Variants in PLAGL1 observed in about 807,000 individuals in gnomAD.
PLAGL1 encodes the protein PLAG1 like zinc finger 1.
PLAGL1 carries 1 observed loss-of-function variant against 4.6 expected under a neutral mutation model. That is an observed-to-expected ratio of 0.22 (90% CI 0.08 to 1.03). The LOEUF (loss-of-function observed/expected upper bound fraction) is 1.03, where lower values mean the gene tolerates loss of function less well. Among genes scored for constraint, PLAGL1 ranks in the 50% least tolerant of loss-of-function variants. The probability of loss-of-function intolerance (pLI) is 0.58; values close to 1 mark genes in which losing one functional copy is unlikely to be tolerated. For synonymous variants in PLAGL1, 240 were observed against 237.8 expected, an observed-to-expected ratio of 1.01 and a Z score of -0.08; for missense variants, 464 against 570.4, an observed-to-expected ratio of 0.81 and a Z score of 1.90.
chr6:143,947,974 A>G lies in PLAGL1; in HGVS notation c.152+11T>C. 2 of 1,611,372 alleles carry G rather than the reference A, an allele frequency of 1.2e-6. No individual in the cohort carries two copies. The highest frequency in any genetic ancestry group is 1.7e-6 in the Non-Finnish European group (2 of 1,177,710). On this transcript the variant is annotated intron_variant, in intron 7 of 7. Transcript: ENST00000674357. This position sits in a 1 kb window ranked among gnomAD's most constrained non-coding sequence, Gnocchi z 4.3. ...CTTCTAAAAGTGCATACCTTTGCCA[A>G]AGCCTCTCACCTCATCAATTTATAT...
rs747970925 is a variant in PLAGL1, at chr6:144,027,226, A to AGAACGAAC, written c.-151+37234_-151+37241dup. On this transcript the variant is annotated intron_variant, in intron 1 of 3. Transcript: ENST00000437412. This position sits in a 1 kb window ranked among gnomAD's most constrained non-coding sequence, Gnocchi z 5.8. ...GTGACAGAGAAAGACCCCAACTCAA[A>AGAACGAAC]GAACGAACGAAAGAAAGAAAGAAAG... Among the ~76,000 whole-genome samples, 84 of 129,922 alleles carry AGAACGAAC rather than the reference A, an allele frequency of 6.5e-4. 1 individual carries two copies. In the East Asian group the frequency reaches 0.016, roughly 24 times the overall value. The allele number at this position is 129,922 out of a possible 152,430, so 85.2% of individuals were successfully genotyped here.
rs1795372587 is a variant in PLAGL1, at chr6:144,013,762, G to A, written c.-150-44784C>T. 6.6e-6 allele frequency among the ~76,000 whole-genome samples: 1 copy of A among 152,196 alleles called. No homozygotes were observed. Among genetic ancestry groups the A allele is most frequent in the Non-Finnish European group, 1.5e-5 (1 of 68,038 alleles). On this transcript the variant is annotated intron_variant, in intron 1 of 3. Transcript: ENST00000437412. This position sits in a 1 kb window ranked among gnomAD's most constrained non-coding sequence, Gnocchi z 4.4. The stretch of plus-strand genomic sequence containing the variant: ...CTGTGCGTGCCATGTGCTTTCTCCT[G>A]TGTGTATCTCTCTTATAGGGGTAGA...
In PLAGL1 at chr6:144,059,229, C is replaced by A. The variant is rs1212648752; in HGVS notation, c.-151+5239G>T. 6.6e-6 allele frequency among the ~76,000 whole-genome samples: 1 copy of A among 152,260 alleles called. No homozygotes were observed. The highest frequency in any genetic ancestry group is 1.5e-5 in the Non-Finnish European group (1 of 68,048). On this transcript the variant is annotated intron_variant, in intron 1 of 3. Coordinates refer to the PLAGL1 transcript ENST00000437412. The surrounding 1 kb of genome is among the most constrained non-coding windows in gnomAD (Gnocchi z 4.9). ...GCACTCCCCAAAGCCACAGCCGGAG[C>A]TCTACCTGGGGCCCTTTGAACCAAG...
At position 143,967,328 on chromosome 6, in the gene PLAGL1, T is replaced by G. The variant is rs1171110738; in HGVS notation, c.-471-1130A>C. The G allele has an allele frequency of 2.0e-5, 3 of 152,258 alleles. No homozygotes were observed. In the East Asian group the frequency reaches 5.8e-4, roughly 29 times the overall value. The allele number at this position is 152,258 out of a possible 1,614,324, so 9.4% of individuals were successfully genotyped here. On this transcript the variant is annotated intron_variant, in intron 3 of 7. Coordinates refer to ENST00000674357, the MANE Select transcript of PLAGL1 (RefSeq NM_001317162.2). ...GTTAGGGCCAATTTTACACGATGGG[T>G]AAGCTCACAATTAGGAAACATGAAT...
At position 144,041,226 on chromosome 6, in the gene PLAGL1, A is replaced by C. The variant is rs1490345981; in HGVS notation, c.-151+23242T>G. Among the ~76,000 whole-genome samples the C allele has an allele frequency of 2.0e-5, 3 of 152,118 alleles. No individual in the cohort carries two copies. The East Asian group carries it at 5.8e-4, about 29-fold the overall frequency. On this transcript the variant is annotated intron_variant, in intron 1 of 3. Coordinates refer to the PLAGL1 transcript ENST00000437412. ...ACTTTAAGTTCTAGGGTACATATGC[A>C]CAACATGCAGGTTTGTTACATATGT...
rs1293417314 is a variant in PLAGL1, at chr6:144,039,987, T to C, written c.-151+24481A>G. ...AGATAATTTATATCATATAATTCCA[T>C]GTACAACATTCAACAACAAGCAAAA... On this transcript the variant is annotated intron_variant, in intron 1 of 3. Transcript: ENST00000437412. This position sits in a 1 kb window ranked among gnomAD's most constrained non-coding sequence, Gnocchi z 4.1. Among the ~76,000 whole-genome samples, 2 of 152,166 alleles carry C rather than the reference T, an allele frequency of 1.3e-5. No homozygotes were observed. Among genetic ancestry groups the C allele is most frequent in the African/African-American group, 4.8e-5 (2 of 41,428 alleles).
rs1783064698 is a variant in PLAGL1, at chr6:143,960,121, T to C, written c.-325+348A>G. Among the ~76,000 whole-genome samples the C allele has an allele frequency of 6.6e-6, 1 of 152,006 alleles. No homozygotes were observed. The highest frequency in any genetic ancestry group is 1.5e-5 in the Non-Finnish European group (1 of 67,988). On this transcript the variant is annotated intron_variant, in intron 6 of 7. Coordinates refer to ENST00000674357, the MANE Select transcript of PLAGL1 (RefSeq NM_001317162.2). The surrounding 1 kb of genome is among the most constrained non-coding windows in gnomAD (Gnocchi z 5.7). ...ACATCTTATGTACACAAGTTAGGAG[T>C]GTTGGCAGGGGCAGCTTTCTTCTTT...
rs574222060 is a variant in PLAGL1 at position 143,971,069 on chromosome 6, A to T, written c.-543-2091T>A. Among the ~76,000 whole-genome samples, 23 of 152,126 alleles carry T rather than the reference A, an allele frequency of 1.5e-4. No individual in the cohort carries two copies. Among genetic ancestry groups the T allele is most frequent in the Admixed American group, 1.5e-3 (23 of 15,294 alleles). The stretch of plus-strand genomic sequence containing the variant: ...ACTGGGAGGGTTGAGCAGCCAAGTT[A>T]TGAAATCTAAGTGCTATGCTTAATG... On this transcript the variant is annotated intron_variant, in intron 2 of 7. Coordinates refer to ENST00000674357, the MANE Select transcript of PLAGL1 (RefSeq NM_001317162.2). The surrounding 1 kb of genome is among the most constrained non-coding windows in gnomAD (Gnocchi z 4.7).
At chr6:144,021,209 T>C (rs535502450) in intron 1 of PLAGL1, among the ~76,000 whole-genome samples, 2 of 152,244 alleles carry the variant, frequency 1.3e-5, no homozygotes, top group East Asian at 3.9e-4. Flanking sequence ...CATAACATAT[T>C]ATACTTGCTG....
At chr6:144,060,314 G>T (rs1053586049) in intron 1 of PLAGL1, among the ~76,000 whole-genome samples, 1 of 152,200 alleles carries the variant, frequency 6.6e-6, no homozygotes, top group Non-Finnish European at 1.5e-5. Context: ...CTCCCAAAGT[G>T]CTGGGATTAC....
At chr6:144,032,905 C>A (rs1419024072) in intron 1 of PLAGL1, among the ~76,000 whole-genome samples, 2 of 152,076 alleles carry the variant, frequency 1.3e-5, no homozygotes, top group South Asian at 2.1e-4. Context: ...ACTAAGTAAA[C>A]CCTGAGAGGT....
chr6:144,054,387 G>T (rs1798792971), intron 1 of PLAGL1, among the ~76,000 whole-genome samples: 1 of 152,132 alleles, frequency 6.6e-6, no homozygotes, highest in South Asian at 2.1e-4. Flanking sequence ...AGAAAATGTG[G>T]TACATATATA....
Position 144,027,645 on chromosome 6 carries a change from C to G in PLAGL1, c.-151+36823G>C, listed in dbSNP as rs1796467024. ...AGACTGTACAGTGCTTTGATTTACA[C>G]AAATATAACCTCTTGCTCCAACAGA... is the stretch of plus-strand genomic sequence containing the variant. On this transcript the variant is annotated intron_variant, in intron 1 of 3. Transcript: ENST00000437412. This position sits in a 1 kb window ranked among gnomAD's most constrained non-coding sequence, Gnocchi z 5.8. Among the ~76,000 whole-genome samples the G allele has an allele frequency of 6.6e-6, 1 of 152,206 alleles. No individual in the cohort carries two copies. The highest frequency in any genetic ancestry group is 2.1e-4 in the South Asian group (1 of 4,838).
rs35981443 is a variant in PLAGL1 at position 143,940,729 on chromosome 6, A to AT, written c.*694dup. On this transcript the variant is annotated 3_prime_UTR_variant, in exon 8 of 8. Transcript: ENST00000674357. ...TACCACTTAACCTGGTTACACAGTG[A>AT]TTTTTTTTTTTTTTCTGTCAGATGT... The AT allele has an allele frequency of 0.58, 85,940 of 147,326 alleles. 24,979 individuals are homozygous for AT. Among genetic ancestry groups the AT allele is most frequent in the South Asian group, 0.79 (3,688 of 4,698 alleles). 9.1% of individuals were successfully genotyped at this position (147,326 alleles called of 1,614,324 possible).
At chr6:144,020,274 CTTGTTTGT>C (rs111353071) in intron 1 of PLAGL1, among the ~76,000 whole-genome samples, 33 of 151,694 alleles carry the variant, frequency 2.2e-4, no homozygotes, top group South Asian at 4.2e-4. Context: ...TGGACACTTC[CTTGTTTGT>C]TTGTTTGTTT....
rs146464043 is a variant in PLAGL1, at chr6:143,959,109, G to A, written c.-325+1360C>T. Among the ~76,000 whole-genome samples, 20 of 152,258 alleles carry A rather than the reference G, an allele frequency of 1.3e-4. No individual in the cohort carries two copies. The East Asian group carries it at 1.5e-3, about 12-fold the overall frequency. On this transcript the variant is annotated intron_variant, in intron 6 of 7. Transcript: ENST00000674357. This position sits in a 1 kb window ranked among gnomAD's most constrained non-coding sequence, Gnocchi z 5.3. ...TGCGCTCCCCGTCGCCCCGGAGGCC[G>A]GCACCTTGCTCACAATAAGCCTCAA...
intron 1 of PLAGL1, among the ~76,000 whole-genome samples, chr6:144,062,392 AAG>A (rs1249593993): frequency 3.3e-5 from 5 of 151,448 alleles, no homozygotes; most frequent in African/African-American, 1.2e-4. Flanking sequence ...AAAAAAAAAA[AAG>A]AGAGAGACAT....
At chr6:143,977,831 G>A (rs533440281) in intron 2 of PLAGL1, among the ~76,000 whole-genome samples, 1 of 152,132 alleles carries the variant, frequency 6.6e-6, no homozygotes, top group Non-Finnish European at 1.5e-5. Flanking sequence ...GATTGATTTC[G>A]TTTGTGTCAC....
rs1788766314 is a variant in PLAGL1, at chr6:143,985,315, AAAC to A, written c.-583-144_-583-142del. On this transcript the variant is annotated intron_variant, in intron 1 of 7. Transcript: ENST00000674357. The surrounding 1 kb of genome is among the most constrained non-coding windows in gnomAD (Gnocchi z 4.4). The stretch of plus-strand genomic sequence containing the variant: ...TCTCCCACAATAGTAACATTTCACA[AAAC>A]AACAGTACAATATCACAACCGATAT... 1 of 152,212 alleles carries A rather than the reference AAAC, an allele frequency of 6.6e-6. No individual in the cohort carries two copies. The highest frequency in any genetic ancestry group is 2.4e-5 in the African/African-American group (1 of 41,454). The allele number at this position is 152,212 out of a possible 1,614,324, so 9.4% of individuals were successfully genotyped here.
Sources: allele counts gnomAD v4.1 joint callset (sites outside exome capture counted in the v4.1 genomes callset), GRCh38; gene constraint gnomAD v4.1.1; non-coding constraint Gnocchi (gnomAD v3.1); transcripts MANE v1.5; gene names NCBI Gene and HGNC (gene_info 2026-07-23, HGNC 2026-07-21).